The following CAMKMT variants were observed in gnomAD, a reference collection of about 807,000 sequenced individuals.
CAMKMT encodes the protein CaM KMT.
A neutral mutation model predicts 48.0 loss-of-function variants in CAMKMT; 53 were observed. The observed-to-expected ratio is 1.10, with a 90% CI of 0.89 to 1.39. The LOEUF (loss-of-function observed/expected upper bound fraction) is 1.39. Among genes scored for constraint, CAMKMT ranks in the 40% most tolerant of loss-of-function variants. The pLI, the probability that CAMKMT is intolerant of heterozygous loss-of-function variation, is 0.00. For synonymous variants in CAMKMT, 165 were observed against 152.3 expected, an observed-to-expected ratio of 1.08 and a Z score of -0.61; for missense variants, 428 against 402.7, an observed-to-expected ratio of 1.06 and a Z score of -0.54.
chr2:44,438,707 G>T (rs1246006685), intron 3 of CAMKMT, among the ~76,000 whole-genome samples: 2 of 151,640 alleles, frequency 1.3e-5, no homozygotes, highest in South Asian at 2.1e-4. Context: ...TGTTTGTTTT[G>T]TTTTTTTTGA....
intron 9 of CAMKMT, among the ~76,000 whole-genome samples, chr2:44,757,127 G>A (rs541828602): frequency 6.6e-6 from 1 of 152,296 alleles, no homozygotes; most frequent in East Asian, 1.9e-4. Flanking sequence ...GCTCCTTAAG[G>A]GGAGCTGCTT....
Position 44,441,593 on chromosome 2 carries a change from T to A in CAMKMT, c.376+51288T>A, listed in dbSNP as rs535805738. On this transcript the variant is annotated intron_variant, in intron 3 of 10. Transcript: ENST00000378494. ...ATCTCTTGATACTTCTTTTTTTTTT[T>A]AAACCCAACACAGACTGAATAATAT... 9.1e-4 allele frequency among the ~76,000 whole-genome samples: 138 copies of A among 152,182 alleles called. 4 individuals are homozygous for A. The South Asian group carries it at 0.022, about 25-fold the overall frequency.
chr2:44,370,847 G>C (rs1306861934), intron 1 of CAMKMT, among the ~76,000 whole-genome samples: 1 of 152,106 alleles, frequency 6.6e-6, no homozygotes, highest in African/African-American at 2.4e-5. Flanking sequence ...GCCTCACTCT[G>C]TTCCCCAATT....
chr2:44,729,589 C>T (rs533162827), intron 7 of CAMKMT, among the ~76,000 whole-genome samples: 13 of 152,272 alleles, frequency 8.5e-5, no homozygotes, highest in Admixed American at 4.6e-4. Flanking sequence ...AAGGTCATAT[C>T]ATCAGGGCAG....
chr2:44,680,600 G>T (rs975902725), intron 3 of CAMKMT, among the ~76,000 whole-genome samples: 11 of 152,326 alleles, frequency 7.2e-5, no homozygotes, highest in Non-Finnish European at 1.3e-4. Flanking sequence ...TTTAATACCA[G>T]TTATGCCCAT....
chr2:44,681,069 A>G (rs999654162), intron 3 of CAMKMT, among the ~76,000 whole-genome samples: 14 of 152,234 alleles, frequency 9.2e-5, no homozygotes, highest in African/African-American at 3.4e-4. Context: ...TTAAACTCTT[A>G]TTCTTTTGCC....
chr2:44,753,087 A>G (rs1680216821), intron 8 of CAMKMT, among the ~76,000 whole-genome samples: 1 of 152,048 alleles, frequency 6.6e-6, no homozygotes, highest in Admixed American at 6.6e-5. Context: ...AAGATCAGGG[A>G]TGGAAAATGA....
At chr2:44,742,972 A>G (rs1679764120) in intron 7 of CAMKMT, among the ~76,000 whole-genome samples, 2 of 152,222 alleles carry the variant, frequency 1.3e-5, no homozygotes, top group Admixed American at 1.3e-4. Context: ...ATTAATTGAG[A>G]GTAACTAAAA....
chr2:44,444,146 C>G (rs1323347561), intron 3 of CAMKMT, among the ~76,000 whole-genome samples: 1 of 152,144 alleles, frequency 6.6e-6, no homozygotes, highest in Non-Finnish European at 1.5e-5. Context: ...ACATACAACT[C>G]AATTCTTTAA....
At chr2:44,540,613 T>C (rs1230840536) in intron 3 of CAMKMT, among the ~76,000 whole-genome samples, 1 of 151,966 alleles carries the variant, frequency 6.6e-6, no homozygotes, top group Non-Finnish European at 1.5e-5. Flanking sequence ...TAGCCGGACA[T>C]GGTGGTACAT....
chr2:44,705,515 G>A (rs1677505280), intron 4 of CAMKMT: 2 of 985,406 alleles, frequency 2.0e-6, no homozygotes, highest in Middle Eastern at 5.2e-4. Flanking sequence ...GTTAAGGGCT[G>A]ATATTTAGGC....
intron 3 of CAMKMT, among the ~76,000 whole-genome samples, chr2:44,528,324 T>C (rs537232579): frequency 6.6e-6 from 1 of 152,122 alleles, no homozygotes; most frequent in Non-Finnish European, 1.5e-5. Flanking sequence ...AAGTTATTTA[T>C]ATTAGAAAAA....
chr2:44,611,283 A>G (rs761042560), intron 3 of CAMKMT, among the ~76,000 whole-genome samples: 19 of 152,012 alleles, frequency 1.2e-4, no homozygotes, highest in Admixed American at 6.6e-5. Flanking sequence ...AATACAAAAA[A>G]TTAGCTGGGT....
chr2:44,673,512 A>AGGAAGGAAGGAAGGAAGGAAGGAAGGAG (rs1553435789), intron 3 of CAMKMT, among the ~76,000 whole-genome samples: 2 of 115,258 alleles, frequency 1.7e-5, no homozygotes, highest in African/African-American at 7.1e-5. Context: ...GAAGGAAGGA[A>AGGAAGGAAGGAAGGAAGGAAGGAAGGAG]GGAAGGAAGG....
intron 3 of CAMKMT, among the ~76,000 whole-genome samples, chr2:44,529,458 A>G (rs1420405313): frequency 6.6e-6 from 1 of 152,220 alleles, no homozygotes; most frequent in Non-Finnish European, 1.5e-5. Flanking sequence ...GGGTTTATTT[A>G]TGCATATACA....
At chr2:44,370,127 T>C (rs1432667812) in intron 1 of CAMKMT, 3 of 152,230 alleles carry the variant, frequency 2.0e-5, no homozygotes, top group Non-Finnish European at 4.4e-5. Flanking sequence ...GGTTTGACTC[T>C]TGTGAGCTCT....
intron 3 of CAMKMT, among the ~76,000 whole-genome samples, chr2:44,415,166 A>G (rs1004671756): frequency 1.3e-5 from 2 of 152,262 alleles, no homozygotes; most frequent in Admixed American, 6.5e-5. Flanking sequence ...AAGAAAAAAA[A>G]TTCTGGGTAT....
chr2:44,512,890 T>C (rs1250706452), intron 3 of CAMKMT, among the ~76,000 whole-genome samples: 1 of 152,178 alleles, frequency 6.6e-6, no homozygotes, highest in Non-Finnish European at 1.5e-5. Flanking sequence ...CCTGAAGAGC[T>C]TGGAATGATA....
At chr2:44,552,114 T>G (rs1474553878) in intron 3 of CAMKMT, among the ~76,000 whole-genome samples, 1 of 152,116 alleles carries the variant, frequency 6.6e-6, no homozygotes, top group Non-Finnish European at 1.5e-5. Context: ...GTTTTACCCA[T>G]TAGGTGATTT....
Sources: gnomAD v4.1 joint callset for allele counts (sites outside exome capture counted in the v4.1 genomes callset) on GRCh38, gnomAD v4.1.1 for gene constraint, MANE v1.5 for transcripts, NCBI Gene and HGNC (gene_info 2026-07-23, HGNC 2026-07-21) for gene names.